Variants in CDH18 observed in about 807,000 individuals in gnomAD.
CDH18 encodes cadherin-18.
In CDH18, 31 loss-of-function variants were observed where a neutral mutation model predicts 67.9. The ratio of observed to expected loss-of-function variants is 0.46; its 90% CI spans 0.34 to 0.62. The LOEUF is 0.62. Among genes scored for constraint, CDH18 ranks in the 20% least tolerant of loss-of-function variants. The pLI is 0.01. For synonymous variants in CDH18, 362 were observed against 347.2 expected (o/e 1.04, Z -0.48); for missense variants, 890 against 975.5 (o/e 0.91, Z 1.17).
At chr5:19,729,239 G>A (rs1378263482) in intron 4 of CDH18, among the ~76,000 whole-genome samples, 2 of 152,032 alleles carry the variant, frequency 1.3e-5, no homozygotes, top group East Asian at 3.9e-4. Flanking sequence ...GGTATTAAGT[G>A]CCAATGATGT....
At chr5:20,457,796 A>T (rs1750949519) in intron 1 of CDH18, among the ~76,000 whole-genome samples, 1 of 152,158 alleles carries the variant, frequency 6.6e-6, no homozygotes, top group Non-Finnish European at 1.5e-5. Context: ...GGACAAAAAA[A>T]CTGGAGGGGG....
intron 5 of CDH18, among the ~76,000 whole-genome samples, chr5:19,674,818 C>A (rs1759240249): frequency 6.6e-6 from 1 of 152,016 alleles, no homozygotes; most frequent in African/African-American, 2.4e-5. Context: ...TTTATCGTTA[C>A]ACAAATCTAG....
chr5:20,093,715 A>G lies in CDH18; in HGVS notation c.-517-101701T>C, dbSNP rs1009073231. Among the ~76,000 whole-genome samples, 8 of 152,330 alleles carry G rather than the reference A, an allele frequency of 5.3e-5. No individual in the cohort carries two copies. The East Asian group carries it at 1.5e-3, about 29-fold the overall frequency. On this transcript the variant is annotated intron_variant, in intron 2 of 14. Transcript: ENST00000507958. ...GTAATCAGGTATTAAGGAACAGGTA[A>G]GTGAGTAAACATACTATGAGTTGCA...
chr5:20,120,426 A>G (rs1237604067), intron 2 of CDH18, among the ~76,000 whole-genome samples: 7 of 152,158 alleles, frequency 4.6e-5, no homozygotes, highest in Admixed American at 3.9e-4. Context: ...TCTACTTTAC[A>G]GATATATAAA....
At chr5:19,849,441 A>T (rs1229233589) in intron 2 of CDH18, among the ~76,000 whole-genome samples, 1 of 151,784 alleles carries the variant, frequency 6.6e-6, no homozygotes, top group East Asian at 1.9e-4. Context: ...CCTAGAGAAC[A>T]ATGTGTTTTA....
intron 2 of CDH18, among the ~76,000 whole-genome samples, chr5:20,053,191 A>T (rs1044223337): frequency 3.3e-5 from 5 of 151,774 alleles, no homozygotes; most frequent in African/African-American, 1.2e-4. Context: ...AAAATAAGGT[A>T]TCTATCTATC....
chr5:19,727,900 A>T (rs1243059367), intron 4 of CDH18, among the ~76,000 whole-genome samples: 2 of 152,196 alleles, frequency 1.3e-5, no homozygotes, highest in African/African-American at 4.8e-5. Flanking sequence ...TAGTTAATGC[A>T]TTATATTGGG....
intron 2 of CDH18, among the ~76,000 whole-genome samples, chr5:19,972,103 T>A (rs1798083397): frequency 1.3e-5 from 2 of 152,084 alleles, no homozygotes; most frequent in Admixed American, 1.3e-4. Context: ...GGTGGTGGCA[T>A]TATCTGCAAA....
At chr5:19,790,946 G>A (rs1041865524) in intron 3 of CDH18, among the ~76,000 whole-genome samples, 8 of 152,080 alleles carry the variant, frequency 5.3e-5, no homozygotes, top group African/African-American at 1.7e-4. Context: ...TGTCAAGAAC[G>A]ATTCTCAGGT....
intron 1 of CDH18, chr5:20,305,092 G>A (rs1736304239): frequency 6.4e-7 from 1 of 1,573,920 alleles, no homozygotes; most frequent in Non-Finnish European, 8.7e-7. Context: ...CAAGGCGGTA[G>A]GGCCATTTGC....
At chr5:20,039,939 A>G (rs1051016023) in intron 2 of CDH18, among the ~76,000 whole-genome samples, 5 of 152,208 alleles carry the variant, frequency 3.3e-5, no homozygotes, top group South Asian at 4.1e-4. Flanking sequence ...AATTTTTGCA[A>G]TCTATCCATC....
intron 2 of CDH18, among the ~76,000 whole-genome samples, chr5:20,057,828 G>C (rs925753627): frequency 2.0e-5 from 3 of 151,946 alleles, no homozygotes; most frequent in Non-Finnish European, 4.4e-5. Context: ...AAGACTACTT[G>C]GTGTGTATGC....
rs552197906 is a variant in CDH18 at position 19,586,750 on chromosome 5, T to C, written c.999+4307A>G. ...GTAATGGGATTGCTGGATCAAATGG[T>C]AGTTCTGCCTCTAGGTCTTTGAGGA... is the stretch of plus-strand genomic sequence containing the variant. On this transcript the variant is annotated intron_variant, in intron 7 of 12. Transcript: ENST00000382275. Among the ~76,000 whole-genome samples the C allele has an allele frequency of 4.5e-4, 68 of 152,322 alleles. 1 individual carries two copies. The Middle Eastern group carries it at 0.01, about 23-fold the overall frequency.
chr5:20,198,583 G>C (rs73052742), intron 2 of CDH18, among the ~76,000 whole-genome samples: 11,861 of 152,156 alleles, frequency 0.078, 539 homozygotes, highest in East Asian at 0.14. Flanking sequence ...CTGATGATGC[G>C]GTAGAAAAAA....
At chr5:19,731,676 A>C (rs933543596) in intron 4 of CDH18, among the ~76,000 whole-genome samples, 1 of 152,226 alleles carries the variant, frequency 6.6e-6, no homozygotes, top group African/African-American at 2.4e-5. Flanking sequence ...TAAGAACTCA[A>C]ATAATCGTCG....
At chr5:19,528,263 A>G (rs1413100878) in intron 9 of CDH18, among the ~76,000 whole-genome samples, 1 of 151,674 alleles carries the variant, frequency 6.6e-6, no homozygotes, top group Non-Finnish European at 1.5e-5. Flanking sequence ...TTTATAGAGT[A>G]TATAGGATTT....
At chr5:20,281,021 G>A (rs1322434185) in intron 1 of CDH18, among the ~76,000 whole-genome samples, 1 of 152,132 alleles carries the variant, frequency 6.6e-6, no homozygotes, top group Non-Finnish European at 1.5e-5. Flanking sequence ...AGAAGTGTCT[G>A]TTCCTATCCT....
At chr5:20,282,335 A>G (rs1412699413) in intron 1 of CDH18, among the ~76,000 whole-genome samples, 1 of 152,112 alleles carries the variant, frequency 6.6e-6, no homozygotes, top group Non-Finnish European at 1.5e-5. Flanking sequence ...ATTCAGTATG[A>G]TATTGGCTGT....
chr5:19,907,336 G>C (rs1161892150), intron 2 of CDH18, among the ~76,000 whole-genome samples: 1 of 151,886 alleles, frequency 6.6e-6, no homozygotes, highest in East Asian at 1.9e-4. Context: ...TTGGGGTTTT[G>C]TTTTTAAATA....
Sources: gnomAD v4.1 joint callset for allele counts (sites outside exome capture counted in the v4.1 genomes callset) on GRCh38, gnomAD v4.1.1 for gene constraint, MANE v1.5 for transcripts, NCBI Gene and HGNC (gene_info 2026-07-23, HGNC 2026-07-21) for gene names.